EXOC2: variants seen among roughly 807,000 people sequenced by gnomAD.
EXOC2 encodes the protein SEC5-like 1.
A neutral mutation model predicts 131.8 loss-of-function variants in EXOC2; 70 were observed. The observed-to-expected ratio is 0.53, with a 90% CI of 0.44 to 0.65. EXOC2 has a LOEUF of 0.65. Among genes scored for constraint, EXOC2 ranks in the 30% least tolerant of loss-of-function variants. EXOC2 has a pLI of 0.00. For synonymous variants in EXOC2, 411 were observed against 398.4 expected (o/e 1.03, Z -0.38); for missense variants, 923 against 1,108.6 (o/e 0.83, Z 2.38).
intron 7 of EXOC2, among the ~76,000 whole-genome samples, chr6:603,841 G>A (rs532588103): frequency 2.0e-5 from 3 of 152,060 alleles, no homozygotes; most frequent in Admixed American, 6.5e-5. Flanking sequence ...ATGTGTTTGC[G>A]AGCGTAAGAC....
intron 1 of EXOC2, among the ~76,000 whole-genome samples, chr6:691,567 A>G (rs1363344954): frequency 1.3e-5 from 2 of 152,242 alleles, no homozygotes; most frequent in Non-Finnish European, 2.9e-5. Context: ...TACAGTATAT[A>G]ATACGTATAA....
In EXOC2 at chr6:507,337, A is replaced by C. The variant is rs1471489655; in HGVS notation, c.2381-7637T>G. On this transcript the variant is annotated intron_variant, in intron 23 of 27. Coordinates refer to ENST00000230449, the MANE Select transcript of EXOC2 (RefSeq NM_018303.6). ...CACACACAAAGAAGTGACCCCCCCC[A>C]CACACACCACAGCAGTGACCCCACA... Among the ~76,000 whole-genome samples the C allele has an allele frequency of 3.1e-3, 142 of 45,768 alleles. 4 individuals are homozygous for C. The East Asian group carries it at 0.08, about 26-fold the overall frequency. The allele number at this position is 45,768 out of a possible 152,430, so 30.0% of individuals were successfully genotyped here. A position where few individuals can be genotyped will look rare whatever the true frequency, so the allele number is the denominator to read the frequency against.
At chr6:586,517 T>G (rs997004636) in intron 11 of EXOC2, among the ~76,000 whole-genome samples, 1 of 152,212 alleles carries the variant, frequency 6.6e-6, no homozygotes, top group African/African-American at 2.4e-5. Flanking sequence ...CACCTATGTA[T>G]AGCAAAATAG....
At chr6:685,127 A>AACACACACACACACACAC (rs35607623) in intron 1 of EXOC2, among the ~76,000 whole-genome samples, 9 of 149,512 alleles carry the variant, frequency 6.0e-5, no homozygotes, top group African/African-American at 2.2e-4. Flanking sequence ...ATCATTTGAA[A>AACACACACACACACACAC]ACACACACAC....
At chr6:560,467 A>G (rs1757641598) in intron 17 of EXOC2, among the ~76,000 whole-genome samples, 1 of 152,238 alleles carries the variant, frequency 6.6e-6, no homozygotes, top group South Asian at 2.1e-4. Context: ...AAGCTTTTAA[A>G]AAATAAACCC....
At chr6:507,585 C>T (rs912088518) in intron 23 of EXOC2, among the ~76,000 whole-genome samples, 1 of 152,154 alleles carries the variant, frequency 6.6e-6, no homozygotes, top group Non-Finnish European at 1.5e-5. Context: ...GAGAATCATT[C>T]ATGAAAAAAT....
intron 22 of EXOC2, among the ~76,000 whole-genome samples, chr6:543,947 G>A (rs1013045834): frequency 4.6e-5 from 7 of 152,230 alleles, no homozygotes; most frequent in East Asian, 1.9e-4. Flanking sequence ...ATGGGCATCC[G>A]TCAGTGATGG....
intron 1 of EXOC2, among the ~76,000 whole-genome samples, chr6:647,584 T>C (rs1762632919): frequency 7.7e-6 from 1 of 129,522 alleles, no homozygotes; most frequent in African/African-American, 2.9e-5. Context: ...CCACCATATG[T>C]CCTGTGAGGT....
At chr6:606,865 T>C (rs1305496726) in intron 7 of EXOC2, among the ~76,000 whole-genome samples, 15 of 152,376 alleles carry the variant, frequency 9.8e-5, no homozygotes, top group South Asian at 2.1e-4. Context: ...TAGAGCTTCC[T>C]GGTTTTTGAT....
chr6:577,050 A>G (rs1758625020), intron 11 of EXOC2, among the ~76,000 whole-genome samples, 168 bp from the exon 12 acceptor site: 2 of 152,228 alleles, frequency 1.3e-5, no homozygotes, highest in Non-Finnish European at 1.5e-5. Context: ...ACAGATTTTA[A>G]AAGTCATTCT....
chr6:612,788 T>A (rs9378432), intron 6 of EXOC2, among the ~76,000 whole-genome samples: 1 of 152,182 alleles, frequency 6.6e-6, no homozygotes, highest in Non-Finnish European at 1.5e-5. Context: ...GGGAGGAACA[T>A]GCGTAATTTA....
At chr6:500,242 T>C (rs531492068) in intron 23 of EXOC2, among the ~76,000 whole-genome samples, 28 of 152,356 alleles carry the variant, frequency 1.8e-4, no homozygotes, top group African/African-American at 5.0e-4. Context: ...AGGACCATTT[T>C]TGTCTTAAGG....
chr6:565,003 A>C, intron 13 of EXOC2, 74 bp from the exon 14 acceptor site: 1 of 1,156,792 alleles, frequency 8.6e-7, no homozygotes, highest in Non-Finnish European at 1.2e-6. Flanking sequence ...GCACTTGTAC[A>C]TCAAGAGAAC....
intron 7 of EXOC2, among the ~76,000 whole-genome samples, chr6:604,216 C>T (rs944438391): frequency 6.6e-5 from 10 of 152,144 alleles, no homozygotes; most frequent in African/African-American, 4.8e-5. Flanking sequence ...TCTCCTTATG[C>T]GCCAAACGTG....
rs201752992 is a variant in EXOC2, at chr6:599,064, T to A, written c.888+16A>T. ...ACATCTACAACCATATGTAAATAAA[T>A]AAACATGTACTCTACCTTTTGAATA... On this transcript the variant is annotated intron_variant, in intron 8 of 27. Transcript: ENST00000230449. The A allele has an allele frequency of 6.8e-5, 109 of 1,593,192 alleles. No homozygotes were observed. In the Admixed American group the frequency reaches 1.9e-3, roughly 28 times the overall value.
chr6:556,077 G>A (rs1456823023), intron 18 of EXOC2, 64 bp from the exon 19 acceptor site: 9 of 1,454,320 alleles, frequency 6.2e-6, no homozygotes, highest in Non-Finnish European at 8.7e-6. Context: ...TGTATATGAA[G>A]TTAGATATGA....
chr6:553,028 C>T (rs1757228680), intron 21 of EXOC2, among the ~76,000 whole-genome samples: 1 of 152,198 alleles, frequency 6.6e-6, no homozygotes, highest in East Asian at 1.9e-4. Context: ...AGCGATTCTC[C>T]TGCCTCAGCC....
chr6:679,963 T>C (rs532211840), intron 1 of EXOC2, among the ~76,000 whole-genome samples: 4 of 152,280 alleles, frequency 2.6e-5, no homozygotes, highest in Admixed American at 2.6e-4. Flanking sequence ...ATCACAGCTA[T>C]TAAGTGAAAG....
At chr6:649,612 G>C (rs1039270902) in intron 1 of EXOC2, among the ~76,000 whole-genome samples, 1 of 152,204 alleles carries the variant, frequency 6.6e-6, no homozygotes, top group Non-Finnish European at 1.5e-5. Flanking sequence ...ACCAGAACTA[G>C]GAGGGTCCTT....
Sources: allele counts gnomAD v4.1 joint callset (sites outside exome capture counted in the v4.1 genomes callset), GRCh38; gene constraint gnomAD v4.1.1; transcripts MANE v1.5; gene names NCBI Gene and HGNC (gene_info 2026-07-23, HGNC 2026-07-21).